The following SI variants were observed in gnomAD, a reference collection of about 807,000 sequenced individuals.
SI encodes the protein sucrase-isomaltase, also known as sucrase-isomaltase, intestinal.
SI carries 235 observed loss-of-function variants against 253.3 expected under a neutral mutation model. The observed-to-expected ratio is 0.93, with a 90% confidence interval of 0.83 to 1.03. The LOEUF is 1.03. SI is among the 50% of genes least tolerant of loss of function. SI has a pLI of 0.00. For synonymous variants in SI, 819 were observed against 712.0 expected (o/e 1.15, Z -2.39); for missense variants, 2,442 against 2,211.1 (o/e 1.10, Z -2.09).
rs559616118 is a variant in SI at position 164,979,195 on chromosome 3, A to G, written c.*167T>C. On this transcript the variant is annotated 3_prime_UTR_variant, in exon 48 of 48. Coordinates refer to ENST00000264382, the MANE Select transcript of SI (RefSeq NM_001041.4). Reference sequence around the variant, plus strand: ...AATTGAATCCAAGTCACATTACTATAATAAAATTAGCATTATCATTGATGT... The same window carrying G: ...AATTGAATCCAAGTCACATTACTATGATAAAATTAGCATTATCATTGATGT... 1 of 609,254 alleles carries G rather than the reference A, an allele frequency of 1.6e-6. No individual in the cohort carries two copies. Among genetic ancestry groups the G allele is most frequent in the Non-Finnish European group, 3.0e-6 (1 of 337,632 alleles). The allele number at this position is 609,254 out of a possible 1,614,324, so 37.7% of individuals were successfully genotyped here.
At chr3:165,034,354 A>G (rs895775599) in intron 22 of SI, among the ~76,000 whole-genome samples, 4 of 152,014 alleles carry the variant, frequency 2.6e-5, no homozygotes, top group Non-Finnish European at 5.9e-5. Flanking sequence ...CTTTATCAGT[A>G]GACAGTATGT....
chr3:164,998,266 T>A (rs1358164348), intron 38 of SI, among the ~76,000 whole-genome samples: 1 of 151,780 alleles, frequency 6.6e-6, no homozygotes, highest in Non-Finnish European at 1.5e-5. Flanking sequence ...CTAGACCTTA[T>A]CTTTGCCAGC....
At position 165,030,827 on chromosome 3, in the gene SI, T is replaced by A; in HGVS notation, c.2777A>T (p.Asn926Ile). 1.2e-6 allele frequency: 2 copies of A among 1,603,078 alleles called. No individual in the cohort carries two copies. The highest frequency in any genetic ancestry group is 1.7e-5 in the Admixed American group (1 of 58,980). The stretch of plus-strand genomic sequence containing the variant: ...AATTTGATTCCATTGAACACTAAAG[T>A]TTCTTCCAAGATTAAGTTTGAGATC... ...IADLKLNLGR[N>I]FSVQWNQIFS... The change falls in exon 25 of 48, where the codon AAC (asparagine) becomes ATC (isoleucine). Residue 926 changes from asparagine to isoleucine, a missense_variant. Transcript: ENST00000264382.
rs1477895425 is a variant in SI at position 165,040,956 on chromosome 3, T to G, written c.2143A>C (p.Arg715=). The G allele has an allele frequency of 1.2e-6, 2 of 1,611,270 alleles. No individual in the cohort carries two copies. The highest frequency in any genetic ancestry group is 1.3e-5 in the African/African-American group (1 of 74,932). The part of the protein sequence containing the change: ...KAHVFGETVA[R]PVLHEFYEDT... The stretch of plus-strand genomic sequence containing the variant: ...AGTACTCACTCATGAAGAACTGGTC[T>G]TGCTACTGTTTCTCCAAACACATGG... The change falls in exon 18 of 48, where the codon AGA becomes CGA. Residue 715 remains arginine (R), a synonymous_variant. Transcript: ENST00000264382.
chr3:165,015,198 G>GT lies in SI; in HGVS notation c.3923dup (p.Tyr1308Ter). The GT allele has an allele frequency of 6.2e-7, 1 of 1,613,242 alleles. No homozygotes were observed. Among genetic ancestry groups the GT allele is most frequent in the Non-Finnish European group, 8.5e-7 (1 of 1,179,500 alleles). The part of the protein sequence containing the change: ...PAISGNETKT[Y>*]PAFERGQQND... The stretch of plus-strand genomic sequence containing the variant: ...TCTGCTGTCCTCTTTCAAATGCAGG[G>GT]TAAGTCTTTGTTTCATTTCCTGAAA... The change falls in exon 33 of 48, where the codon TAC becomes TAAC. Residue 1308 changes from tyrosine to a stop codon, truncating the protein, a stop_gained and frameshift_variant. Transcript: ENST00000264382. LOFTEE classifies it high-confidence loss of function.
chr3:165,001,970 T>C (rs906233370), intron 37 of SI, among the ~76,000 whole-genome samples: 2 of 151,640 alleles, frequency 1.3e-5, no homozygotes, highest in African/African-American at 4.8e-5. Context: ...AAATATTGAC[T>C]TTTTCCATTC....
intron 14 of SI, 123 bp downstream of exon 14, chr3:165,049,668 T>C: frequency 3.1e-6 from 2 of 644,638 alleles, no homozygotes; most frequent in East Asian, 2.8e-5. Flanking sequence ...GATAAACAAA[T>C]TGATTTTATG....
intron 28 of SI, 39 bp downstream of exon 28, chr3:165,019,563 C>T: frequency 6.3e-7 from 1 of 1,592,720 alleles, no homozygotes; most frequent in Non-Finnish European, 8.6e-7. Flanking sequence ...TACTCATGGT[C>T]TTAGTTGCCT....
At chr3:164,992,102 G>T in intron 43 of SI, 75 bp downstream of exon 43, 3 of 1,203,158 alleles carry the variant, frequency 2.5e-6, no homozygotes, top group East Asian at 2.3e-5. Context: ...CCAACATACC[G>T]TTAATGAAAA....
At chr3:165,061,740 A>T (rs1713995084) in intron 9 of SI, among the ~76,000 whole-genome samples, 1 of 152,078 alleles carries the variant, frequency 6.6e-6, no homozygotes, top group Non-Finnish European at 1.5e-5. Context: ...TTTTAGAATC[A>T]TCTTCAGTGT....
chr3:165,050,128 A>G (rs919507875), intron 13 of SI, among the ~76,000 whole-genome samples: 2 of 152,106 alleles, frequency 1.3e-5, no homozygotes, highest in Admixed American at 6.6e-5. Context: ...ATATAATTAC[A>G]TTAATTATAA....
intron 46 of SI, 55 bp from the exon 47 acceptor site, chr3:164,982,465 A>C (rs1717237950): frequency 5.1e-6 from 7 of 1,366,950 alleles, no homozygotes; most frequent in Admixed American, 3.5e-5. Context: ...AAGCAATTAA[A>C]ACTTTAAAAA....
At chr3:165,014,859 A>G (rs1253625804) in intron 33 of SI, among the ~76,000 whole-genome samples, 1 of 152,136 alleles carries the variant, frequency 6.6e-6, no homozygotes, top group African/African-American at 2.4e-5. Flanking sequence ...GTAGTCTTAT[A>G]ATAAATTACA....
intron 1 of SI, 69 bp from the exon 2 acceptor site, chr3:165,076,081 C>T (rs542644019): frequency 3.8e-5 from 42 of 1,101,434 alleles, no homozygotes; most frequent in Middle Eastern, 6.3e-4. Flanking sequence ...CAACAATTCT[C>T]ATGAAATTAC....
Position 165,006,852 on chromosome 3 carries a change from T to C in SI, c.4370A>G (p.Asn1457Ser), listed in dbSNP as rs777726394. ...GTSVLHYDVH[N>S]LYGWSQMKPT... ...TTTCATCTGTGACCATCCATAGAGATTGTGAACATCGTAATGCAAAACTGA... is the reference window on the plus strand; with the variant it reads ...TTTCATCTGTGACCATCCATAGAGACTGTGAACATCGTAATGCAAAACTGA... Residue 1457 changes from asparagine to serine, a missense_variant, in exon 37 of 48, where the codon AAT (asparagine) becomes AGT (serine). Coordinates refer to ENST00000264382, the MANE Select transcript of SI (RefSeq NM_001041.4). 2.0e-5 allele frequency: 33 copies of C among 1,612,650 alleles called. No homozygotes were observed. The highest frequency in any genetic ancestry group is 1.7e-5 in the Non-Finnish European group (20 of 1,179,028).
intron 18 of SI, among the ~76,000 whole-genome samples, chr3:165,040,318 GAGAGA>G (rs935139748): frequency 7.1e-5 from 2 of 28,068 alleles, no homozygotes; most frequent in East Asian, 5.9e-3. Flanking sequence ...AGGAAGAAAA[GAGAGA>G]AGGAGAAAGT....
chr3:165,044,432 TATTTTCAGACA>T (rs1417472729), intron 16 of SI, among the ~76,000 whole-genome samples: 5 of 152,024 alleles, frequency 3.3e-5, no homozygotes, highest in Non-Finnish European at 4.4e-5. Context: ...CAATTCTTGA[TATTTTCAGACA>T]AATTTTATCA....
In SI at chr3:164,979,545, A is replaced by G. The variant is rs551992190; in HGVS notation, c.5416-115T>C. ...ATAGTATATACCTTTATTTTCTTTTATATCTTGAGAAATTTTTACTCTCAG... is the reference window on the plus strand; with the variant it reads ...ATAGTATATACCTTTATTTTCTTTTGTATCTTGAGAAATTTTTACTCTCAG... On this transcript the variant is annotated intron_variant, in intron 47 of 47. Transcript: ENST00000264382. 6 of 586,398 alleles carry G rather than the reference A, an allele frequency of 1.0e-5. No homozygotes were observed. The Admixed American group carries it at 1.1e-4, about 11-fold the overall frequency. The allele number at this position is 586,398 out of a possible 1,614,324, so 36.3% of individuals were successfully genotyped here.
intron 22 of SI, among the ~76,000 whole-genome samples, chr3:165,034,721 C>A (rs1328226531): frequency 6.6e-6 from 1 of 151,752 alleles, no homozygotes; most frequent in Non-Finnish European, 1.5e-5. Flanking sequence ...CGTGCATGCA[C>A]GTGTGCACAT....
Sources: allele counts gnomAD v4.1 joint callset (sites outside exome capture counted in the v4.1 genomes callset), GRCh38; gene constraint gnomAD v4.1.1; transcripts MANE v1.5; gene names NCBI Gene and HGNC (gene_info 2026-07-23, HGNC 2026-07-21).